The following SCARA3 variants were observed in gnomAD, a reference collection of about 807,000 sequenced individuals.
SCARA3 encodes cellular stress response gene protein.
In SCARA3, 39 loss-of-function variants were observed where a neutral mutation model predicts 47.0. The observed-to-expected ratio is 0.83, with a 90% CI of 0.64 to 1.08. SCARA3 has a LOEUF of 1.08. SCARA3 is among the 50% of genes least tolerant of loss of function. The pLI, the probability that SCARA3 is intolerant of heterozygous loss-of-function variation, is 0.00. For missense variants in SCARA3, 724 were observed against 792.3 expected (o/e 0.91, Z 1.04); for synonymous variants, 356 against 334.1 (o/e 1.07, Z -0.71).
chr8:27,707,019 AG>A, the SCARA3 span, among the ~76,000 whole-genome samples: 11 of 152,172 alleles, frequency 7.2e-5, no homozygotes, highest in African/African-American at 2.7e-4. Flanking sequence ...TATTCTTAGG[AG>A]AAAAAGAACA....
At chr8:27,694,082 C>T in the SCARA3 span, among the ~76,000 whole-genome samples, 2 of 152,186 alleles carry the variant, frequency 1.3e-5, no homozygotes, top group Non-Finnish European at 2.9e-5. Context: ...TAACTGAGAC[C>T]TGTCTCAGAT....
the SCARA3 span, chr8:27,702,240 T>C: frequency 2.0e-5 from 3 of 152,204 alleles, no homozygotes; most frequent in Admixed American, 2.0e-4. Flanking sequence ...TTAAGTTTTA[T>C]GGGGTAGCCA....
At chr8:27,720,111 G>C in the SCARA3 span, among the ~76,000 whole-genome samples, 4 of 152,096 alleles carry the variant, frequency 2.6e-5, no homozygotes, top group East Asian at 7.7e-4. Context: ...AACTGCAGTT[G>C]GAGAGGTTAT....
intron 1 of SCARA3, among the ~76,000 whole-genome samples, chr8:27,638,651 G>A (rs543776776): frequency 9.1e-4 from 138 of 152,238 alleles, no homozygotes; most frequent in African/African-American, 3.0e-3. Context: ...GCGATGGGGC[G>A]ACTGCCAGGT....
In SCARA3 at chr8:27,671,756, A is replaced by G. The variant is rs567192783; in HGVS notation, c.*405A>G. ...CACATGCACACATATATGCACAGGC[A>G]CACACATGTACGCACACACACATGC... On this transcript the variant is annotated 3_prime_UTR_variant, in exon 6 of 6. Coordinates refer to ENST00000301904, the MANE Select transcript of SCARA3 (RefSeq NM_016240.3). 3,087 of 1,008,634 alleles carry G rather than the reference A, an allele frequency of 3.1e-3. 27 individuals are homozygous for G. The South Asian group carries it at 0.033, about 11-fold the overall frequency. The allele number at this position is 1,008,634 out of a possible 1,614,324, so 62.5% of individuals were successfully genotyped here. A position where few individuals can be genotyped will look rare whatever the true frequency, so the allele number is the denominator to read the frequency against.
In SCARA3 at chr8:27,660,416, A is replaced by ATGAT. The variant is rs370354010; in HGVS notation, c.1369+894_1369+897dup. ...AGTGTATAGATAGATGGATATATAGATGATTGATTGATTGATTGATCCAGA... is the reference window on the plus strand; with the variant it reads ...AGTGTATAGATAGATGGATATATAGATGATTGATTGATTGATTGATTGATCCAGA... On this transcript the variant is annotated intron_variant, in intron 5 of 5. Coordinates refer to ENST00000301904, the MANE Select transcript of SCARA3 (RefSeq NM_016240.3). Among the ~76,000 whole-genome samples, 7 of 151,870 alleles carry ATGAT rather than the reference A, an allele frequency of 4.6e-5. No individual in the cohort carries two copies. The South Asian group carries it at 1.0e-3, about 23-fold the overall frequency.
In SCARA3 at chr8:27,659,071, G is replaced by T; in HGVS notation, c.901G>T (p.Val301Leu). 1 of 1,614,064 alleles carries T rather than the reference G, an allele frequency of 6.2e-7. No homozygotes were observed. Among genetic ancestry groups the T allele is most frequent in the Non-Finnish European group, 8.5e-7 (1 of 1,180,024 alleles). Residue 301 changes from valine to leucine, a missense_variant, in exon 5 of 6, where the codon GTA becomes TTA. Coordinates refer to ENST00000301904, the MANE Select transcript of SCARA3 (RefSeq NM_016240.3). ...GAACTCAGAGAGCATGCACGACCTGGTACTCCAGGTCATGGGCTTGCAGCT... is the reference window on the plus strand; with the variant it reads ...GAACTCAGAGAGCATGCACGACCTGTTACTCCAGGTCATGGGCTTGCAGCT... ...SQNSESMHDL[V>L]LQVMGLQLQL... is the part of the protein sequence containing the mutation.
chr8:27,633,464 T>C (rs34419381), upstream of SCARA3, among the ~76,000 whole-genome samples: 405 of 149,620 alleles, frequency 2.7e-3, 1 homozygote, highest in African/African-American at 9.2e-3. Context: ...CTCCCGGACG[T>C]CCTTCTCCCA....
Position 27,671,779 on chromosome 8 carries a change from T to C in SCARA3, c.*428T>C. 1 of 994,056 alleles carries C rather than the reference T, an allele frequency of 1.0e-6. No individual in the cohort carries two copies. The highest frequency in any genetic ancestry group is 1.2e-6 in the Non-Finnish European group (1 of 835,832). 61.6% of individuals were successfully genotyped at this position (994,056 alleles called of 1,614,324 possible). The stretch of plus-strand genomic sequence containing the variant: ...GCACACACATGTACGCACACACACA[T>C]GCACTGCACACATATCCATGCACAC... On this transcript the variant is annotated 3_prime_UTR_variant, in exon 6 of 6. Coordinates refer to ENST00000301904, the MANE Select transcript of SCARA3 (RefSeq NM_016240.3).
downstream of SCARA3, among the ~76,000 whole-genome samples, chr8:27,678,458 C>T (rs1259469452): frequency 1.3e-5 from 2 of 152,148 alleles, no homozygotes. Context: ...AGAATACAAA[C>T]AACCACAGCT....
At chr8:27,665,031 A>G (rs1801986816) in intron 5 of SCARA3, among the ~76,000 whole-genome samples, 2 of 152,212 alleles carry the variant, frequency 1.3e-5, no homozygotes, top group African/African-American at 4.8e-5. Context: ...ACAGGCACAG[A>G]CAGGCTGTGA....
the SCARA3 span, among the ~76,000 whole-genome samples, chr8:27,714,022 C>T: frequency 1.2e-4 from 18 of 152,064 alleles, no homozygotes; most frequent in East Asian, 2.3e-3. Context: ...CTCTTGCTCC[C>T]GCTTTTACCA....
the SCARA3 span, among the ~76,000 whole-genome samples, chr8:27,716,522 T>A: frequency 6.6e-6 from 1 of 152,062 alleles, no homozygotes; most frequent in African/African-American, 2.4e-5. Flanking sequence ...CTGGAACAAT[T>A]TGAGCATCAA....
chr8:27,716,074 G>A, the SCARA3 span, among the ~76,000 whole-genome samples: 2 of 152,126 alleles, frequency 1.3e-5, no homozygotes, highest in South Asian at 2.1e-4. Context: ...GAGAGGCTGA[G>A]GCAGGAGGAT....
chr8:27,646,972 G>GCCCCCCC (rs757314343), intron 1 of SCARA3, among the ~76,000 whole-genome samples: 11 of 23,498 alleles, frequency 4.7e-4, no homozygotes, highest in African/African-American at 5.0e-4. Context: ...GACCGCCCCC[G>GCCCCCCC]CCCCCCCCCC....
chr8:27,719,818 C>G, the SCARA3 span, among the ~76,000 whole-genome samples: 2 of 152,176 alleles, frequency 1.3e-5, no homozygotes, highest in African/African-American at 4.8e-5. Context: ...ACCCAATCCT[C>G]CTCACTTCTT....
At chr8:27,703,818 TG>T in the SCARA3 span, 1 of 151,124 alleles carries the variant, frequency 6.6e-6, no homozygotes, top group East Asian at 1.9e-4. Context: ...TGTGGTTTTT[TG>T]TTTTTTGCTT....
chr8:27,634,935 A>G (rs979333014), intron 1 of SCARA3, among the ~76,000 whole-genome samples: 1 of 152,190 alleles, frequency 6.6e-6, no homozygotes, highest in Non-Finnish European at 1.5e-5. Context: ...GGTCATTTTG[A>G]GGCTACAGGA....
chr8:27,640,652 T>G (rs1341801306), intron 1 of SCARA3, among the ~76,000 whole-genome samples: 2 of 152,076 alleles, frequency 1.3e-5, no homozygotes, highest in East Asian at 3.9e-4. Context: ...TTACTTAGCG[T>G]TTTTGTTCTT....
Sources: allele counts gnomAD v4.1 joint callset (sites outside exome capture counted in the v4.1 genomes callset), GRCh38; gene constraint gnomAD v4.1.1; transcripts MANE v1.5; gene names NCBI Gene and HGNC (gene_info 2026-07-23, HGNC 2026-07-21).